OGG1: variants seen among roughly 807,000 people sequenced by gnomAD.
OGG1 encodes 8-oxoguanine DNA glycosylase, also known as N-glycosylase/DNA lyase.
In OGG1, 35 loss-of-function variants were observed where a neutral mutation model predicts 42.3. That is an observed-to-expected ratio of 0.83 (90% CI 0.63 to 1.10). The LOEUF is 1.10. Among genes scored for constraint, OGG1 ranks in the 50% least tolerant of loss-of-function variants. OGG1 has a pLI of 0.00. For missense variants in OGG1, 484 were observed against 446.7 expected (o/e 1.08, Z -0.75); for synonymous variants, 189 against 179.0 (o/e 1.06, Z -0.44).
chr3:9,788,396 CCACCA>C (rs976927579), downstream of OGG1, among the ~76,000 whole-genome samples: 15 of 152,038 alleles, frequency 9.9e-5, no homozygotes. Context: ...CAGGCGCCCG[CCACCA>C]CGCCCGGCTA....
chr3:9,757,037 C>A lies in OGG1; in HGVS notation c.949-24C>A, dbSNP rs55841172. On this transcript the variant is annotated intron_variant, in intron 6 of 6. Transcript: ENST00000344629. The surrounding 1 kb of genome is among the most constrained non-coding windows in gnomAD (Gnocchi z 4.5). ...CCTGACCCCAGTGTACCCTCCTCCC[C>A]ACACAGACTCCACCCTCCTACAGGT... 1 of 1,613,986 alleles carries A rather than the reference C, an allele frequency of 6.2e-7. No homozygotes were observed. Among genetic ancestry groups the A allele is most frequent in the East Asian group, 2.2e-5 (1 of 44,892 alleles).
At chr3:9,790,588 T>C (rs1008540044), downstream of OGG1, among the ~76,000 whole-genome samples, 11 of 152,336 alleles carry the variant, frequency 7.2e-5, no homozygotes, top group East Asian at 2.1e-3. Flanking sequence ...GAATACAGCA[T>C]AGCGCCTGGC....
chr3:9,753,234 C>G (rs1162592318), intron 3 of OGG1, among the ~76,000 whole-genome samples: 1 of 151,908 alleles, frequency 6.6e-6, no homozygotes, highest in East Asian at 1.9e-4. Context: ...ATCCCAGCTA[C>G]TCAGGAGGCT....
At chr3:9,766,511 CT>C (rs2078158410) in exon 8 of OGG1, 1 of 416,584 alleles carries the variant, frequency 2.4e-6, no homozygotes. Flanking sequence ...AAATGCAAAA[CT>C]TTAGGCCCTG....
chr3:9,766,371 T>C lies in OGG1; in HGVS notation c.*540T>C, dbSNP rs2078152607. 4.8e-6 allele frequency: 3 copies of C among 628,290 alleles called. No individual in the cohort carries two copies. The East Asian group carries it at 9.1e-5, about 19-fold the overall frequency. 38.9% of individuals were successfully genotyped at this position (628,290 alleles called of 1,614,324 possible). On this transcript the variant is annotated 3_prime_UTR_variant, in exon 8 of 8. Coordinates refer to the OGG1 transcript ENST00000302008. ...ACAGTTGGTTCATCCCTTTTTCTGC[T>C]AATTCGAGTCATGGCTAATTTAACA...
chr3:9,761,820 T>G, downstream of OGG1: 1 of 1,592,016 alleles, frequency 6.3e-7, no homozygotes, highest in Non-Finnish European at 8.6e-7. Context: ...TAGAACCTTC[T>G]GCCGCTCCAA....
At chr3:9,785,479 TC>T in intron 3 of OGG1, 1 of 1,251,510 alleles carries the variant, frequency 8.0e-7, no homozygotes, top group South Asian at 1.3e-5. Context: ...ACTTTCCTGC[TC>T]CTTTCTGACC....
chr3:9,785,251 T>G, intron 3 of OGG1: 43 of 1,318,828 alleles, frequency 3.3e-5, no homozygotes, highest in Non-Finnish European at 4.3e-5. Flanking sequence ...TTCCCCAGGT[T>G]GAGATGGAGA....
At chr3:9,750,713 C>G in intron 1 of OGG1, 1 of 693,420 alleles carries the variant, frequency 1.4e-6, no homozygotes, top group Non-Finnish European at 2.4e-6. Flanking sequence ...CCATTCCAGC[C>G]TCGACCCCCC....
downstream of OGG1, among the ~76,000 whole-genome samples, chr3:9,769,681 G>A (rs2078257537): frequency 6.6e-6 from 1 of 152,204 alleles, no homozygotes; most frequent in African/African-American, 2.4e-5. Flanking sequence ...TGGGACAGAG[G>A]TGGAGAAAGG....
chr3:9,762,997 G>A lies in OGG1; in HGVS notation c.1049-2812G>A, dbSNP rs143182946. On this transcript the variant is annotated intron_variant, in intron 7 of 7. Transcript: ENST00000302008. ...TGGAAGATGAGGCGGCTGGCGTCCC[G>A]CTCCGTGTAGAAGCCTTTTTCCACA... is the stretch of plus-strand genomic sequence containing the variant. 57 of 1,614,096 alleles carry A rather than the reference G, an allele frequency of 3.5e-5. No homozygotes were observed. The highest frequency in any genetic ancestry group is 4.2e-5 in the Non-Finnish European group (49 of 1,180,012).
chr3:9,755,182 T>C (rs2077480348), intron 4 of OGG1, among the ~76,000 whole-genome samples: 2 of 152,188 alleles, frequency 1.3e-5, no homozygotes, highest in South Asian at 4.1e-4. Flanking sequence ...AATAGTTTCC[T>C]TGGGGGAGAC....
chr3:9,757,035 C>A lies in OGG1; in HGVS notation c.949-26C>A, dbSNP rs751119551. The A allele has an allele frequency of 1.2e-6, 2 of 1,614,014 alleles. No homozygotes were observed. Among genetic ancestry groups the A allele is most frequent in the East Asian group, 4.5e-5 (2 of 44,878 alleles). On this transcript the variant is annotated intron_variant, in intron 6 of 6. Transcript: ENST00000344629. The surrounding 1 kb of genome is among the most constrained non-coding windows in gnomAD (Gnocchi z 4.5). ...GCCCTGACCCCAGTGTACCCTCCTCCCCACACAGACTCCACCCTCCTACAG... is the reference window on the plus strand; with the variant it reads ...GCCCTGACCCCAGTGTACCCTCCTCACCACACAGACTCCACCCTCCTACAG...
rs201515863 is a variant in OGG1 at position 9,787,261 on chromosome 3, G to A, written c.383-467G>A. 10 of 1,614,204 alleles carry A rather than the reference G, an allele frequency of 6.2e-6. No individual in the cohort carries two copies. The East Asian group carries it at 2.2e-4, about 36-fold the overall frequency. On this transcript the variant is annotated intron_variant, in intron 3 of 3. Coordinates refer to the OGG1 transcript ENST00000426518. The stretch of plus-strand genomic sequence containing the variant: ...TTTCTTCTTGTCAGCCACAGCCGCT[G>A]CCCGGGCCCCATCCTTCTGCTCCTC...
At chr3:9,780,565 A>T in intron 2 of OGG1, 1 of 1,595,488 alleles carries the variant, frequency 6.3e-7, no homozygotes, top group Non-Finnish European at 8.5e-7. Flanking sequence ...GGGACCAGCC[A>T]GCCAGGTGCC....
intron 3 of OGG1, chr3:9,783,727 G>A (rs543721262): frequency 3.9e-5 from 10 of 253,498 alleles, no homozygotes; most frequent in South Asian, 8.0e-5. Context: ...GCAGTGAGCC[G>A]AGATCATGCC....
downstream of OGG1, chr3:9,761,857 C>A: frequency 6.6e-7 from 1 of 1,505,086 alleles, no homozygotes; most frequent in East Asian, 2.3e-5. Flanking sequence ...AATGGATCCC[C>A]AAAAGCCACT....
chr3:9,765,224 C>CT (rs2078098283), intron 7 of OGG1, among the ~76,000 whole-genome samples: 1 of 147,158 alleles, frequency 6.8e-6, no homozygotes, highest in Non-Finnish European at 1.5e-5. Context: ...GAGACTCCAT[C>CT]TCAAAAAAAA....
intron 2 of OGG1, chr3:9,780,134 G>A (rs1292714660): frequency 2.2e-6 from 1 of 449,068 alleles, no homozygotes; most frequent in East Asian, 3.4e-5. Context: ...CCCCATCTCG[G>A]GGACCAAGCA....
Sources: gnomAD v4.1 joint callset for allele counts (sites outside exome capture counted in the v4.1 genomes callset) on GRCh38, gnomAD v4.1.1 for gene constraint, Gnocchi (gnomAD v3.1) non-coding constraint, MANE v1.5 for transcripts, NCBI Gene and HGNC (gene_info 2026-07-23, HGNC 2026-07-21) for gene names.